PCGF2: variants seen among roughly 807,000 people sequenced by gnomAD.
The protein encoded by PCGF2 is polycomb group RING finger protein 2.
PCGF2 carries 8 observed loss-of-function variants against 36.1 expected under a neutral mutation model. That is an observed-to-expected ratio of 0.22 (90% CI 0.13 to 0.40). The LOEUF is 0.40. Ranked by LOEUF, PCGF2 falls within the 10% of genes least tolerant of loss-of-function variation. The pLI is 1.00. For synonymous variants in PCGF2, 198 were observed against 191.2 expected, an observed-to-expected ratio of 1.04 and a Z score of -0.29; for missense variants, 436 against 475.9, an observed-to-expected ratio of 0.92 and a Z score of 0.78.
intron 7 of PCGF2, 62 bp from the exon 8 acceptor site, chr17:38,738,657 T>C (rs931108841): frequency 6.4e-7 from 1 of 1,557,086 alleles, no homozygotes; most frequent in African/African-American, 1.4e-5. Flanking sequence ...CCCAGGAGGA[T>C]GATCCCTCAA....
intron 2 of PCGF2, among the ~76,000 whole-genome samples, chr17:38,745,377 G>T (rs111858972): frequency 0.08 from 12,218 of 152,038 alleles, 1,004 homozygotes; most frequent in African/African-American, 0.21. Context: ...ATGGTGGCAG[G>T]CGCCTGTAAT....
intron 2 of PCGF2, among the ~76,000 whole-genome samples, chr17:38,744,487 C>T (rs530168224): frequency 6.6e-6 from 1 of 152,180 alleles, no homozygotes. Context: ...TCCCAAGTAG[C>T]TGGGAATACA....
chr17:38,736,211 T>G, intron 9 of PCGF2, 41 bp from the exon 10 acceptor site: 3 of 1,347,046 alleles, frequency 2.2e-6, no homozygotes, highest in South Asian at 1.2e-5. Context: ...CCTGGCCAGC[T>G]CGGGGCTCCA....
At chr17:38,749,728 C>T (rs1907795016), upstream of PCGF2, 1 of 455,490 alleles carries the variant, frequency 2.2e-6, no homozygotes, top group African/African-American at 2.0e-5. This position sits in a 1 kb window ranked among gnomAD's most constrained non-coding sequence, Gnocchi z 6.5. Flanking sequence ...AAGCTGGGGG[C>T]CTCGGGTGAA....
chr17:38,738,836 G>A lies in PCGF2; in HGVS notation c.342C>T (p.Arg114=), dbSNP rs144841390. The A allele has an allele frequency of 4.7e-5, 76 of 1,613,862 alleles. No homozygotes were observed. In the Middle Eastern group the frequency reaches 1.7e-3, roughly 35 times the overall value. Residue 114 remains arginine (R), a synonymous_variant, in exon 7 of 11, where the codon CGC becomes CGT. Coordinates refer to ENST00000620225, the MANE Select transcript of PCGF2 (RefSeq NM_007144.3). ...TEVPNGSNED[R]GEVLEQEKGA... is the part of the protein sequence containing the mutation. ...CCTTCTCCTGCTCCAAGACCTCGCCGCGGTCCTCATTGGAGCCGTTGGGGA... is the reference window on the plus strand; with the variant it reads ...CCTTCTCCTGCTCCAAGACCTCGCCACGGTCCTCATTGGAGCCGTTGGGGA...
In PCGF2 at chr17:38,746,092, A is replaced by G. The variant is rs1907519575; in HGVS notation, c.-41+1787T>C. Among the ~76,000 whole-genome samples the G allele has an allele frequency of 2.0e-5, 3 of 152,058 alleles. 1 individual carries two copies. In the South Asian group the frequency reaches 6.2e-4, roughly 31 times the overall value. On this transcript the variant is annotated intron_variant, in intron 2 of 10. Coordinates refer to ENST00000620225, the MANE Select transcript of PCGF2 (RefSeq NM_007144.3). ...CCCAATCCTTGACAATGGCACAAAG[A>G]TCTGCTCCCCTGTCCCCACCATGCA...
chr17:38,741,929 C>G (rs1351268104), intron 2 of PCGF2, among the ~76,000 whole-genome samples: 1 of 152,116 alleles, frequency 6.6e-6, no homozygotes, highest in Non-Finnish European at 1.5e-5. Flanking sequence ...CAGGAATCCC[C>G]CCCACATGGT....
chr17:38,735,228 T>G lies in PCGF2; in HGVS notation c.1030A>C (p.Thr344Pro). ...TVNGAPVPPL[T>P] Reference sequence around the variant, plus strand: ...AAGGGAGAGGGTCCCTGGCCTCAAGTTAAGGGGGGCACGGGAGCGCCGTTG... The same window carrying G: ...AAGGGAGAGGGTCCCTGGCCTCAAGGTAAGGGGGGCACGGGAGCGCCGTTG... The change falls in exon 11 of 11, where the codon ACT becomes CCT. Residue 344 changes from threonine to proline, a missense_variant. Physicochemically the swap from Thr to Pro is conservative, Grantham distance 38. Transcript: ENST00000620225. 3 of 1,411,458 alleles carry G rather than the reference T, an allele frequency of 2.1e-6. No homozygotes were observed. Among genetic ancestry groups the G allele is most frequent in the Non-Finnish European group, 2.8e-6 (3 of 1,072,086 alleles). 87.4% of individuals were successfully genotyped at this position (1,411,458 alleles called of 1,614,324 possible). A position where few individuals can be genotyped will look rare whatever the true frequency, so the allele number is the denominator to read the frequency against.
rs1906507917 is a variant in PCGF2 at position 38,734,334 on chromosome 17, C to G, written c.*889G>C. 6.6e-6 allele frequency: 1 copy of G among 152,468 alleles called. No individual in the cohort carries two copies. Among genetic ancestry groups the G allele is most frequent in the Admixed American group, 6.6e-5 (1 of 15,256 alleles). The allele number at this position is 152,468 out of a possible 1,614,324, so 9.4% of individuals were successfully genotyped here. ...GTGCTTGTGTGAGGTTAACCCACCC[C>G]CACTTCCACTCTAGGCCCCAGGTGA... On this transcript the variant is annotated 3_prime_UTR_variant, in exon 11 of 11. Transcript: ENST00000620225.
At chr17:38,737,403 C>T (rs1906855808) in intron 9 of PCGF2, among the ~76,000 whole-genome samples, 1 of 151,988 alleles carries the variant, frequency 6.6e-6, no homozygotes, top group Admixed American at 6.6e-5. Flanking sequence ...GTGGAGATTG[C>T]AGTGAGCCAA....
chr17:38,748,227 G>T lies in PCGF2; in HGVS notation c.-165C>A, dbSNP rs1320461219. 6.7e-6 allele frequency: 1 copy of T among 148,778 alleles called. No homozygotes were observed. Among genetic ancestry groups the T allele is most frequent in the African/African-American group, 2.5e-5 (1 of 40,396 alleles). The allele number at this position is 148,778 out of a possible 1,614,324, so 9.2% of individuals were successfully genotyped here. On this transcript the variant is annotated 5_prime_UTR_variant, in exon 1 of 11. Coordinates refer to ENST00000620225, the MANE Select transcript of PCGF2 (RefSeq NM_007144.3). ...TCGGGGTCCGGTGGGTCTCGGGGAG[G>T]GGGGGATGGGAGGGAGGGAGGGAAG...
intron 6 of PCGF2, 29 bp from the exon 7 acceptor site, chr17:38,738,890 C>T (rs1002771757): frequency 1.3e-5 from 21 of 1,596,022 alleles, no homozygotes; most frequent in Middle Eastern, 1.8e-4. Context: ...CTCGGGTTGG[C>T]GGAGGATGTA....
In PCGF2 at chr17:38,740,517, T is replaced by C; in HGVS notation, c.-40-75A>G. 3.6e-6 allele frequency: 4 copies of C among 1,100,842 alleles called. No individual in the cohort carries two copies. In the South Asian group the frequency reaches 6.2e-5, roughly 17 times the overall value. The allele number at this position is 1,100,842 out of a possible 1,614,324, so 68.2% of individuals were successfully genotyped here. ...GTTCACGCCTGTAATCCCAGCACTTTGGGAGGCCAAGGCGGGCGGATCACG... is the reference window on the plus strand; with the variant it reads ...GTTCACGCCTGTAATCCCAGCACTTCGGGAGGCCAAGGCGGGCGGATCACG... On this transcript the variant is annotated intron_variant, in intron 2 of 10. Coordinates refer to ENST00000620225, the MANE Select transcript of PCGF2 (RefSeq NM_007144.3).
At chr17:38,741,998 C>T (rs1471430314) in intron 2 of PCGF2, among the ~76,000 whole-genome samples, 1 of 152,224 alleles carries the variant, frequency 6.6e-6, no homozygotes, top group Non-Finnish European at 1.5e-5. Context: ...TGTTCACAGG[C>T]TGTCCAGTGA....
Position 38,742,564 on chromosome 17 carries a change from C to T in PCGF2, c.-40-2122G>A, listed in dbSNP as rs373907904. Among the ~76,000 whole-genome samples, 196 of 152,250 alleles carry T rather than the reference C, an allele frequency of 1.3e-3. 1 individual carries two copies. The highest frequency in any genetic ancestry group is 4.2e-3 in the African/African-American group (174 of 41,552). Reference sequence around the variant, plus strand: ...AGACATGGCGGAGAGGTGGCGGCCCCGGGGATCTGAGAAGGGAGAGGGGTT... The same window carrying T: ...AGACATGGCGGAGAGGTGGCGGCCCTGGGGATCTGAGAAGGGAGAGGGGTT... On this transcript the variant is annotated intron_variant, in intron 2 of 10. Transcript: ENST00000620225.
At chr17:38,744,555 C>T (rs1385248192) in intron 2 of PCGF2, among the ~76,000 whole-genome samples, 3 of 152,072 alleles carry the variant, frequency 2.0e-5, no homozygotes, top group Non-Finnish European at 2.9e-5. Flanking sequence ...AGGGTTTCAC[C>T]ATGTTGGCCA....
rs757487665 is a variant in PCGF2 at position 38,738,393 on chromosome 17, T to G, written c.536A>C (p.Lys179Thr). Residue 179 changes from lysine (K) to threonine (T), a missense_variant, in exon 9 of 11, where the codon AAG becomes ACG. Coordinates refer to ENST00000620225, the MANE Select transcript of PCGF2 (RefSeq NM_007144.3). The stretch of plus-strand genomic sequence containing the variant: ...CACATCCATCTTGTTGCGGAGAAAC[T>G]TGGCAAGATGCATGACGGTCATGGC... ...PAAMTVMHLA[K>T]FLRNKMDVPS... 6.2e-7 allele frequency: 1 copy of G among 1,614,140 alleles called. No individual in the cohort carries two copies. Among genetic ancestry groups the G allele is most frequent in the Non-Finnish European group, 8.5e-7 (1 of 1,180,026 alleles).
At chr17:38,738,189 GC>G (rs1314475452) in intron 9 of PCGF2, among the ~76,000 whole-genome samples, 163 bp downstream of exon 9, 1 of 152,142 alleles carries the variant, frequency 6.6e-6, no homozygotes, top group Non-Finnish European at 1.5e-5. Flanking sequence ...CCCCTAGACT[GC>G]CCCCAATCTT....
chr17:38,739,334 C>A lies in PCGF2; in HGVS notation c.210-81G>T. The stretch of plus-strand genomic sequence containing the variant: ...TCGCCCTGCTCTCCCAGCCAGGGTA[C>A]CCCTCTTCCCACCCCCTTCCTGAGA... On this transcript the variant is annotated intron_variant, in intron 4 of 10. Transcript: ENST00000620225. This position sits in a 1 kb window ranked among gnomAD's most constrained non-coding sequence, Gnocchi z 4.0. The A allele has an allele frequency of 1.6e-6, 2 of 1,282,580 alleles. 1 individual carries two copies. Among genetic ancestry groups the A allele is most frequent in the Non-Finnish European group, 2.3e-6 (2 of 883,408 alleles). 79.4% of individuals were successfully genotyped at this position (1,282,580 alleles called of 1,614,324 possible). A position where few individuals can be genotyped will look rare whatever the true frequency, so the allele number is the denominator to read the frequency against.
Sources: allele counts gnomAD v4.1 joint callset (sites outside exome capture counted in the v4.1 genomes callset), GRCh38; gene constraint gnomAD v4.1.1; non-coding constraint Gnocchi (gnomAD v3.1); transcripts MANE v1.5; gene names NCBI Gene and HGNC (gene_info 2026-07-23, HGNC 2026-07-21).